The following LIMA1 variants were observed in gnomAD, a reference collection of about 807,000 sequenced individuals.
LIMA1 encodes LIM domain and actin-binding protein 1.
In LIMA1, 52 loss-of-function variants were observed where a neutral mutation model predicts 62.6. The ratio of observed to expected loss-of-function variants is 0.83; its 90% CI spans 0.67 to 1.05. LIMA1 has a LOEUF of 1.05. LIMA1 is among the 50% of genes least tolerant of loss of function. The probability of loss-of-function intolerance (pLI) is 0.00; values close to 1 mark genes in which losing one functional copy is unlikely to be tolerated. For synonymous variants in LIMA1, 302 were observed against 317.8 expected, an observed-to-expected ratio of 0.95 and a Z score of 0.53; for missense variants, 780 against 902.2, an observed-to-expected ratio of 0.86 and a Z score of 1.74.
intron 4 of LIMA1, among the ~76,000 whole-genome samples, chr12:50,213,047 T>A (rs1331089558): frequency 6.6e-6 from 1 of 152,148 alleles, no homozygotes; most frequent in East Asian, 1.9e-4. Flanking sequence ...ACTCCTGACC[T>A]CAAGTGCTGG....
intron 3 of LIMA1, among the ~76,000 whole-genome samples, chr12:50,230,708 CTGGGA>C (rs1218488041): frequency 4.1e-4 from 62 of 151,972 alleles, no homozygotes; most frequent in African/African-American, 1.5e-3. Context: ...TCCCGAGTAG[CTGGGA>C]CTACAGGCGC....
intron 10 of LIMA1, 50 bp downstream of exon 10, chr12:50,181,854 C>A: frequency 6.2e-7 from 1 of 1,605,318 alleles, no homozygotes; most frequent in East Asian, 2.2e-5. Flanking sequence ...GCCAAAGACT[C>A]CCTCTAGAGT....
chr12:50,205,794 CAAA>C (rs5798132), intron 5 of LIMA1, among the ~76,000 whole-genome samples, 187 bp downstream of exon 5: 7 of 80,148 alleles, frequency 8.7e-5, no homozygotes, highest in Middle Eastern at 6.7e-3. Flanking sequence ...ACTTCCGTCT[CAAA>C]AAAAAAAAAA....
At chr12:50,239,612 C>T (rs962687971) in intron 2 of LIMA1, among the ~76,000 whole-genome samples, 1 of 149,640 alleles carries the variant, frequency 6.7e-6, no homozygotes, top group African/African-American at 2.5e-5. Context: ...CACACTCCAG[C>T]CTGGGTGATA....
intron 4 of LIMA1, among the ~76,000 whole-genome samples, chr12:50,220,126 T>G (rs1423956192): frequency 6.6e-6 from 1 of 152,050 alleles, no homozygotes; most frequent in African/African-American, 2.4e-5. Context: ...AGTGGCATGA[T>G]CTCGGCTCAC....
chr12:50,184,817 GTTTT>G (rs1341822413), intron 9 of LIMA1, among the ~76,000 whole-genome samples: 4 of 151,962 alleles, frequency 2.6e-5, no homozygotes, highest in Admixed American at 6.6e-5. Context: ...GGAATTCTGC[GTTTT>G]TTGTTTTTTT....
chr12:50,256,774 C>T (rs1432806307), intron 1 of LIMA1, among the ~76,000 whole-genome samples: 11 of 152,102 alleles, frequency 7.2e-5, no homozygotes. Context: ...AATACAAGAT[C>T]AGCCTGGAAC....
chr12:50,190,682 ATTTTTTTTTTTTTTTTTTTT>A (rs762182699), intron 9 of LIMA1, among the ~76,000 whole-genome samples: 16 of 93,036 alleles, frequency 1.7e-4, no homozygotes, highest in Admixed American at 3.1e-4. Context: ...ACCCGGCCTC[ATTTTTTTTTTTTTTTTTTTT>A]TTTTTTTTTT....
chr12:50,255,938 A>G (rs572953697), intron 1 of LIMA1, among the ~76,000 whole-genome samples: 2 of 151,888 alleles, frequency 1.3e-5, no homozygotes, highest in African/African-American at 2.4e-5. Flanking sequence ...CGCCCAGGCT[A>G]GAGTGCAGTG....
At chr12:50,246,246 A>G (rs918706270) in intron 2 of LIMA1, among the ~76,000 whole-genome samples, 5 of 151,710 alleles carry the variant, frequency 3.3e-5, no homozygotes, top group Admixed American at 1.3e-4. Context: ...AAAAAAAAAA[A>G]AAAAGAAAGA....
chr12:50,270,261 G>C (rs938044838), intron 1 of LIMA1, among the ~76,000 whole-genome samples: 1 of 135,182 alleles, frequency 7.4e-6, no homozygotes, highest in African/African-American at 2.8e-5. Context: ...AAAAAAAAAG[G>C]GATAAAATTT....
chr12:50,193,936 G>A (rs1246662871), intron 8 of LIMA1, among the ~76,000 whole-genome samples: 1 of 148,824 alleles, frequency 6.7e-6, no homozygotes, highest in Non-Finnish European at 1.5e-5. Flanking sequence ...GAAGTGCTGG[G>A]ATTACAGGCA....
At chr12:50,249,483 G>C (rs896823185) in intron 1 of LIMA1, among the ~76,000 whole-genome samples, 1 of 152,080 alleles carries the variant, frequency 6.6e-6, no homozygotes, top group African/African-American at 2.4e-5. Flanking sequence ...ATTGACTCTT[G>C]TTATAATTCT....
At chr12:50,232,329 T>G (rs1289948621) in intron 2 of LIMA1, among the ~76,000 whole-genome samples, 3 of 151,666 alleles carry the variant, frequency 2.0e-5, no homozygotes, top group African/African-American at 7.3e-5. Context: ...CCTAAAGTAT[T>G]GAGATTACAG....
intron 1 of LIMA1, among the ~76,000 whole-genome samples, chr12:50,270,604 CAAAAAAA>C (rs150300834): frequency 4.2e-5 from 3 of 71,712 alleles, no homozygotes; most frequent in South Asian, 5.5e-4. Context: ...GACCTTATCT[CAAAAAAA>C]AAAAAAAAAA....
chr12:50,263,584 G>A (rs1213150421), intron 1 of LIMA1, among the ~76,000 whole-genome samples: 1 of 152,058 alleles, frequency 6.6e-6, no homozygotes, highest in Non-Finnish European at 1.5e-5. Context: ...TGTATAAACT[G>A]AGTAGGAATG....
intron 1 of LIMA1, among the ~76,000 whole-genome samples, chr12:50,260,517 A>C (rs557620493): frequency 1.3e-5 from 2 of 152,260 alleles, no homozygotes; most frequent in Admixed American, 1.3e-4. Context: ...CATAACCCAA[A>C]TCATATGTAT....
At chr12:50,258,300 T>TTG (rs35111001) in intron 1 of LIMA1, among the ~76,000 whole-genome samples, 4,886 of 150,174 alleles carry the variant, frequency 0.033, 82 homozygotes, top group African/African-American at 0.046. Flanking sequence ...ACACTGCTTT[T>TTG]TGTGTGTGTG....
chr12:50,255,319 C>T (rs1592558527), intron 1 of LIMA1, among the ~76,000 whole-genome samples: 1 of 151,688 alleles, frequency 6.6e-6, no homozygotes, highest in East Asian at 1.9e-4. Context: ...CTTTGGGAGG[C>T]CGAGGCAGGC....
Sources: gnomAD v4.1 joint callset for allele counts (sites outside exome capture counted in the v4.1 genomes callset) on GRCh38, gnomAD v4.1.1 for gene constraint, MANE v1.5 for transcripts, NCBI Gene and HGNC (gene_info 2026-07-23, HGNC 2026-07-21) for gene names.